DDX60: variants seen among roughly 807,000 people sequenced by gnomAD.
The protein encoded by DDX60 is probable ATP-dependent RNA helicase DDX60.
In DDX60, 165 loss-of-function variants were observed where a neutral mutation model predicts 212.8. That is an observed-to-expected ratio of 0.78 (90% CI 0.68 to 0.88). The LOEUF is 0.88. DDX60 is among the 40% of genes least tolerant of loss of function. DDX60 has a pLI of 0.00. For synonymous variants in DDX60, 703 were observed against 685.3 expected (o/e 1.03, Z -0.40); for missense variants, 1,905 against 2,003.9 (o/e 0.95, Z 0.94).
intron 28 of DDX60, among the ~76,000 whole-genome samples, chr4:168,250,208 C>T (rs1734166630): frequency 6.6e-6 from 1 of 152,010 alleles, no homozygotes; most frequent in South Asian, 2.1e-4. Context: ...AAAAATTTGC[C>T]AAAGTATTTA....
chr4:168,262,698 A>G lies in DDX60; in HGVS notation c.3129T>C (p.Ser1043=). Reference sequence around the variant, plus strand: ...TATTATTTACCTGGGCCCGAGGCCAACTTTTCCAAATTTGAAACATGGCAT... The same window carrying G: ...TATTATTTACCTGGGCCCGAGGCCAGCTTTTCCAAATTTGAAACATGGCAT... ...LYDAMFQIWK[S]WPRAQELCPE... Residue 1043 remains serine (S), a synonymous_variant, in exon 23 of 38, where the codon AGT becomes AGC. Transcript: ENST00000393743. The G allele has an allele frequency of 6.2e-7, 1 of 1,611,634 alleles. No homozygotes were observed.
intron 35 of DDX60, among the ~76,000 whole-genome samples, chr4:168,223,697 C>T (rs917601311): frequency 2.6e-5 from 4 of 152,016 alleles, no homozygotes; most frequent in African/African-American, 4.8e-5. Flanking sequence ...TTAAGTGATA[C>T]ATGACTATGA....
At chr4:168,312,608 T>C (rs1160011868) in intron 1 of DDX60, among the ~76,000 whole-genome samples, 1 of 152,116 alleles carries the variant, frequency 6.6e-6, no homozygotes, top group African/African-American at 2.4e-5. Flanking sequence ...ACACTAAATA[T>C]TGAGACACTT....
chr4:168,259,696 C>G (rs1449061382), intron 25 of DDX60, among the ~76,000 whole-genome samples: 1 of 149,734 alleles, frequency 6.7e-6, no homozygotes, highest in Non-Finnish European at 1.5e-5. Context: ...AATCCAGGAT[C>G]TAGTATGTTA....
chr4:168,283,317 C>CA, intron 13 of DDX60, 129 bp downstream of exon 13: 1 of 769,048 alleles, frequency 1.3e-6, no homozygotes, highest in African/African-American at 1.8e-5. Flanking sequence ...TAATCATATA[C>CA]AAAAATATAT....
chr4:168,307,336 C>T (rs1271133715), intron 4 of DDX60, among the ~76,000 whole-genome samples: 1 of 152,062 alleles, frequency 6.6e-6, no homozygotes, highest in Non-Finnish European at 1.5e-5. Context: ...AGTGGTTATG[C>T]ATATCTTTAT....
Position 168,267,986 on chromosome 4 carries a change from TA to T in DDX60, c.2787-4del, listed in dbSNP as rs34846914. ...ACCATTTTACCGATTGTAGCCACCT[TA>T]AAAAATAAATGTACATATTATTTAG... On this transcript the variant is annotated splice_polypyrimidine_tract_variant and splice_region_variant and intron_variant, in intron 20 of 37. Transcript: ENST00000393743. 6.2e-7 allele frequency: 1 copy of T among 1,605,336 alleles called. No homozygotes were observed. The highest frequency in any genetic ancestry group is 1.1e-5 in the South Asian group (1 of 89,170).
chr4:168,222,662 C>T (rs1190112859), intron 35 of DDX60, among the ~76,000 whole-genome samples: 1 of 152,032 alleles, frequency 6.6e-6, no homozygotes, highest in Non-Finnish European at 1.5e-5. Flanking sequence ...TGCGTTCACT[C>T]CTGCTGAGAC....
Position 168,308,099 on chromosome 4 carries a change from C to T in DDX60, c.171G>A (p.Lys57=). The T allele has an allele frequency of 6.2e-7, 1 of 1,611,522 alleles. No individual in the cohort carries two copies. The highest frequency in any genetic ancestry group is 8.5e-7 in the Non-Finnish European group (1 of 1,178,802). Residue 57 remains lysine, a synonymous_variant, in exon 4 of 38, where the codon AAG becomes AAA. Coordinates refer to ENST00000393743, the MANE Select transcript of DDX60 (RefSeq NM_017631.6). ...AGAAGAAATGGAGGTTCTGCCCAGGCTTAAATGATATCTCACAGATACATG... is the reference window on the plus strand; with the variant it reads ...AGAAGAAATGGAGGTTCTGCCCAGGTTTAAATGATATCTCACAGATACATG... ...LITCICEISF[K]PGQNLHFFYL...
intron 14 of DDX60, among the ~76,000 whole-genome samples, chr4:168,279,589 T>C (rs941806087): frequency 5.3e-5 from 8 of 152,206 alleles, no homozygotes; most frequent in African/African-American, 1.9e-4. Flanking sequence ...CTGGAAGAAT[T>C]TATGGAGTAA....
intron 26 of DDX60, among the ~76,000 whole-genome samples, chr4:168,253,690 C>CATT (rs1202577755): frequency 6.6e-6 from 1 of 152,102 alleles, no homozygotes; most frequent in Non-Finnish European, 1.5e-5. Context: ...CCCTTTCTTG[C>CATT]TTCGTTCATT....
intron 8 of DDX60, among the ~76,000 whole-genome samples, chr4:168,289,497 C>A (rs584180): frequency 0.034 from 5,174 of 152,224 alleles, 176 homozygotes; most frequent in African/African-American, 0.085. Flanking sequence ...TATCTCTCTT[C>A]CAAAATAATT....
At chr4:168,308,942 T>C (rs374815264) in intron 3 of DDX60, among the ~76,000 whole-genome samples, 2 of 152,074 alleles carry the variant, frequency 1.3e-5, no homozygotes, top group Admixed American at 1.3e-4. Flanking sequence ...CCATAAAATA[T>C]ACACAGATCT....
At chr4:168,239,542 T>C (rs1733764604) in intron 30 of DDX60, among the ~76,000 whole-genome samples, 1 of 152,154 alleles carries the variant, frequency 6.6e-6, no homozygotes, top group South Asian at 2.1e-4. Flanking sequence ...ATAAGGAACA[T>C]TGTCAATGCA....
intron 9 of DDX60, among the ~76,000 whole-genome samples, 185 bp from the exon 10 acceptor site, chr4:168,287,388 A>G (rs1270110654): frequency 1.3e-5 from 2 of 152,226 alleles, no homozygotes; most frequent in African/African-American, 4.8e-5. Flanking sequence ...TACAGATTGT[A>G]AAGTTTATCT....
intron 25 of DDX60, among the ~76,000 whole-genome samples, chr4:168,256,193 A>C (rs1337777256): frequency 6.6e-6 from 1 of 151,490 alleles, no homozygotes; most frequent in Non-Finnish European, 1.5e-5. Flanking sequence ...ATATTCCATA[A>C]GCAAGGAACA....
intron 35 of DDX60, among the ~76,000 whole-genome samples, chr4:168,222,457 T>C (rs1034853894): frequency 1.3e-4 from 19 of 151,734 alleles, no homozygotes; most frequent in African/African-American, 4.4e-4. Flanking sequence ...GCACAGCTAT[T>C]TTTTTTTGGT....
intron 33 of DDX60, among the ~76,000 whole-genome samples, chr4:168,235,627 C>A (rs1435277449): frequency 6.6e-6 from 1 of 151,998 alleles, no homozygotes; most frequent in Non-Finnish European, 1.5e-5. Context: ...TCCATAGCAA[C>A]TTTTCACTAA....
chr4:168,252,993 C>A lies in DDX60; in HGVS notation c.3558-337G>T, dbSNP rs1364175134. Among the ~76,000 whole-genome samples, 5 of 152,134 alleles carry A rather than the reference C, an allele frequency of 3.3e-5. No homozygotes were observed. In the East Asian group the frequency reaches 9.7e-4, roughly 30 times the overall value. ...CTAAATTTTGTATCTTCAGTAGAGA[C>A]GGGGTTTCACCATGTTGGCCAGGCT... On this transcript the variant is annotated intron_variant, in intron 26 of 37. Coordinates refer to ENST00000393743, the MANE Select transcript of DDX60 (RefSeq NM_017631.6).
Sources: gnomAD v4.1 joint callset for allele counts (sites outside exome capture counted in the v4.1 genomes callset) on GRCh38, gnomAD v4.1.1 for gene constraint, MANE v1.5 for transcripts, NCBI Gene and HGNC (gene_info 2026-07-23, HGNC 2026-07-21) for gene names.